Variants in SYTL2 observed in about 807,000 individuals in gnomAD.
SYTL2 encodes synaptotagmin like 2, also known as synaptotagmin-like protein 2.
A neutral mutation model predicts 198.7 loss-of-function variants in SYTL2; 165 were observed. The ratio of observed to expected loss-of-function variants is 0.83; its 90% CI spans 0.73 to 0.94. The LOEUF is 0.94. Ranked by LOEUF, SYTL2 falls within the 40% of genes least tolerant of loss-of-function variation. SYTL2 has a pLI of 0.00. For synonymous variants in SYTL2, 966 were observed against 917.7 expected, an observed-to-expected ratio of 1.05 and a Z score of -0.95; for missense variants, 2,835 against 2,582.8, an observed-to-expected ratio of 1.10 and a Z score of -2.12.
At chr11:85,819,909 A>G in the SYTL2 span, among the ~76,000 whole-genome samples, 36,736 of 152,212 alleles carry the variant, frequency 0.24, 4,860 homozygotes, top group South Asian at 0.33. Flanking sequence ...TTTCATGAAT[A>G]AGGGAAGAGA....
chr11:85,734,962 A>G (rs892460025), intron 6 of SYTL2, among the ~76,000 whole-genome samples: 11 of 152,200 alleles, frequency 7.2e-5, no homozygotes, highest in Non-Finnish European at 1.5e-4. Flanking sequence ...TGACACTACA[A>G]TGGTGGCCGC....
chr11:85,703,212 T>A (rs1258550480), intron 16 of SYTL2, among the ~76,000 whole-genome samples: 1 of 152,132 alleles, frequency 6.6e-6, no homozygotes, highest in Non-Finnish European at 1.5e-5. Flanking sequence ...GGGGCAAAAG[T>A]AATATTTGAA....
Position 85,717,540 on chromosome 11 carries a change from A to G in SYTL2, c.5483-10T>C. ...TGATCTGGTTTCTCATCTACTCAGG[A>G]GGGCAACATTGAGAATAAATACCAT... On this transcript the variant is annotated splice_polypyrimidine_tract_variant and intron_variant, in intron 10 of 19. Transcript: ENST00000359152. The G allele has an allele frequency of 6.2e-7, 1 of 1,609,996 alleles. No homozygotes were observed. The highest frequency in any genetic ancestry group is 8.5e-7 in the Non-Finnish European group (1 of 1,176,486).
intron 1 of SYTL2, among the ~76,000 whole-genome samples, chr11:85,789,159 C>A (rs973732247): frequency 2.0e-5 from 3 of 150,270 alleles, no homozygotes; most frequent in Non-Finnish European, 3.0e-5. Context: ...TGCCCAGGCA[C>A]AATCCTAGCT....
chr11:85,805,986 A>G (rs547524813), intron 1 of SYTL2, among the ~76,000 whole-genome samples: 1 of 152,360 alleles, frequency 6.6e-6, no homozygotes, highest in East Asian at 1.9e-4. Context: ...GGGATAACAC[A>G]TAGGAAAGTG....
intron 2 of SYTL2, among the ~76,000 whole-genome samples, chr11:85,754,407 G>C (rs1221652531): frequency 1.3e-5 from 2 of 152,114 alleles, no homozygotes; most frequent in East Asian, 3.9e-4. Flanking sequence ...CTACTAACTA[G>C]AATCTCCTGC....
chr11:85,778,088 G>C (rs1181718211), intron 1 of SYTL2, among the ~76,000 whole-genome samples: 1 of 151,936 alleles, frequency 6.6e-6, no homozygotes, highest in East Asian at 1.9e-4. Context: ...CAAACTGCTG[G>C]GATTACAGGC....
chr11:85,743,478 C>T (rs1293223321), intron 4 of SYTL2, among the ~76,000 whole-genome samples: 1 of 152,110 alleles, frequency 6.6e-6, no homozygotes, highest in Non-Finnish European at 1.5e-5. Context: ...TTCATGCCAC[C>T]GGAAAATGGC....
At chr11:85,700,005 A>C (rs2084018029) in intron 17 of SYTL2, among the ~76,000 whole-genome samples, 1 of 152,204 alleles carries the variant, frequency 6.6e-6, no homozygotes, top group Non-Finnish European at 1.5e-5. Context: ...CCAAATTCCA[A>C]ACACAGGAAT....
chr11:85,789,971 T>A (rs560638564), intron 1 of SYTL2, among the ~76,000 whole-genome samples: 1 of 152,164 alleles, frequency 6.6e-6, no homozygotes, highest in Non-Finnish European at 1.5e-5. Context: ...GGATCAGAAC[T>A]GTTTGGGATT....
At chr11:85,753,996 C>T (rs896536865) in intron 2 of SYTL2, among the ~76,000 whole-genome samples, 6 of 152,140 alleles carry the variant, frequency 3.9e-5, no homozygotes, top group African/African-American at 1.2e-4. Context: ...GTCCTCTTGG[C>T]TACGGGAGAG....
chr11:85,791,024 G>C (rs1002821536), intron 1 of SYTL2, among the ~76,000 whole-genome samples: 1 of 151,088 alleles, frequency 6.6e-6, no homozygotes, highest in African/African-American at 2.4e-5. Context: ...AAAATTAGCC[G>C]GGCATGGTGA....
At chr11:85,780,205 A>G (rs886581348) in intron 1 of SYTL2, among the ~76,000 whole-genome samples, 1 of 152,236 alleles carries the variant, frequency 6.6e-6, no homozygotes, top group Non-Finnish European at 1.5e-5. Context: ...TCATTCTTTC[A>G]ATAGTGCTTA....
chr11:85,783,928 AT>A (rs1166127129), intron 1 of SYTL2, among the ~76,000 whole-genome samples: 1 of 152,030 alleles, frequency 6.6e-6, no homozygotes, highest in Non-Finnish European at 1.5e-5. Flanking sequence ...GGCCTGGCTC[AT>A]TTTCTGATCT....
In SYTL2 at chr11:85,714,865, T is replaced by A. The variant is rs1287032244; in HGVS notation, c.5531-358A>T. On this transcript the variant is annotated intron_variant, in intron 11 of 19. Transcript: ENST00000359152. ...ACCACAAAGTCTGTACTTTATTGGT[T>A]CATCTCCTTGAGATATATCACTAAC... The A allele has an allele frequency of 1.3e-5, 3 of 229,370 alleles. No homozygotes were observed. The East Asian group carries it at 4.1e-4, about 31-fold the overall frequency. The allele number at this position is 229,370 out of a possible 1,614,324, so 14.2% of individuals were successfully genotyped here.
At chr11:85,719,495 T>C (rs559089215) in intron 9 of SYTL2, 34 of 201,654 alleles carry the variant, frequency 1.7e-4, no homozygotes, top group African/African-American at 7.1e-4. Flanking sequence ...AATGGGCCAA[T>C]TGTTCTGAGA....
chr11:85,808,958 CA>C (rs1477008629), intron 1 of SYTL2, among the ~76,000 whole-genome samples: 1 of 151,820 alleles, frequency 6.6e-6, no homozygotes, highest in African/African-American at 2.4e-5. Context: ...AGGTGACAAG[CA>C]AACATATTTC....
chr11:85,772,679 C>T (rs1017160275), intron 1 of SYTL2, among the ~76,000 whole-genome samples: 4 of 152,192 alleles, frequency 2.6e-5, no homozygotes, highest in Non-Finnish European at 5.9e-5. Context: ...TTTTGTTTTC[C>T]CCAAACTCCA....
chr11:85,843,016 G>A, the SYTL2 span, among the ~76,000 whole-genome samples: 2 of 152,182 alleles, frequency 1.3e-5, no homozygotes, highest in African/African-American at 4.8e-5. Context: ...TGTGGCCAAT[G>A]GAATCTGTCA....
Sources: allele counts gnomAD v4.1 joint callset (sites outside exome capture counted in the v4.1 genomes callset), GRCh38; gene constraint gnomAD v4.1.1; transcripts MANE v1.5; gene names NCBI Gene and HGNC (gene_info 2026-07-23, HGNC 2026-07-21).